The following TCF4 variants were observed in gnomAD, a reference collection of about 807,000 sequenced individuals.
The protein encoded by TCF4 is transcription factor 4.
TCF4 carries 3 observed loss-of-function variants against 82.1 expected under a neutral mutation model. That is an observed-to-expected ratio of 0.04 (90% confidence interval 0.02 to 0.09). The LOEUF (loss-of-function observed/expected upper bound fraction) is 0.09, where lower values mean the gene tolerates loss of function less well. TCF4 is among the 10% of genes least tolerant of loss of function. TCF4 has a pLI of 1.00. For synonymous variants in TCF4, 276 were observed against 309.6 expected, an observed-to-expected ratio of 0.89 and a Z score of 1.14; for missense variants, 518 against 852.7, an observed-to-expected ratio of 0.61 and a Z score of 4.89.
intron 8 of TCF4, among the ~76,000 whole-genome samples, chr18:55,289,010 T>G (rs1463696180): frequency 1.3e-5 from 2 of 152,248 alleles, no homozygotes; most frequent in African/African-American, 4.8e-5. Flanking sequence ...TCTCTTGCTC[T>G]TGGCAATAAC....
rs148420335 is a variant in TCF4 at position 55,234,836 on chromosome 18, C to G, written c.1351-153G>C. Among the ~76,000 whole-genome samples the G allele has an allele frequency of 3.3e-3, 505 of 152,268 alleles. 1 individual carries two copies. The highest frequency in any genetic ancestry group is 0.012 in the African/African-American group (485 of 41,554). Reference sequence around the variant, plus strand: ...GGGCGCTGAAGGACCGCACATGCACCTATAGTTCCCGGCGAAAACACTTAA... The same window carrying G: ...GGGCGCTGAAGGACCGCACATGCACGTATAGTTCCCGGCGAAAACACTTAA... On this transcript the variant is annotated intron_variant, in intron 15 of 19. Coordinates refer to ENST00000354452, the MANE Select transcript of TCF4 (RefSeq NM_001083962.2).
chr18:55,372,728 T>C (rs1007008221), intron 6 of TCF4, among the ~76,000 whole-genome samples: 11 of 152,148 alleles, frequency 7.2e-5, no homozygotes, highest in African/African-American at 2.7e-4. Context: ...AGACTCTATG[T>C]GACTGTTGAT....
chr18:55,295,664 G>A (rs2066315234), intron 8 of TCF4, among the ~76,000 whole-genome samples: 1 of 152,070 alleles, frequency 6.6e-6, no homozygotes, highest in Non-Finnish European at 1.5e-5. Flanking sequence ...CTCCTTAATA[G>A]GGCTCACAAG....
At chr18:55,324,294 C>A (rs911072764) in intron 8 of TCF4, among the ~76,000 whole-genome samples, 1 of 152,160 alleles carries the variant, frequency 6.6e-6, no homozygotes, top group Non-Finnish European at 1.5e-5. Flanking sequence ...AGACACTGAA[C>A]GTATTATCAT....
intron 3 of TCF4, among the ~76,000 whole-genome samples, chr18:55,492,423 T>C (rs1471340875): frequency 6.6e-6 from 1 of 152,218 alleles, no homozygotes; most frequent in Admixed American, 6.5e-5. Context: ...ACAAAGTCTA[T>C]TTAAAATAGC....
At chr18:55,295,147 C>A (rs1445884714) in intron 8 of TCF4, among the ~76,000 whole-genome samples, 2 of 152,208 alleles carry the variant, frequency 1.3e-5, no homozygotes, top group African/African-American at 4.8e-5. Flanking sequence ...CCCCCTAATT[C>A]TTTCTGTTCT....
chr18:55,403,358 G>A lies in TCF4; in HGVS notation c.369+96C>T. On this transcript the variant is annotated intron_variant, in intron 6 of 19. Coordinates refer to ENST00000354452, the MANE Select transcript of TCF4 (RefSeq NM_001083962.2). ...TCATCTGACTTGCCGGTGCATCTTT[G>A]GTGTCACAGTTTAAAATGCATCATC... The A allele has an allele frequency of 2.2e-6, 3 of 1,372,674 alleles. No homozygotes were observed. In the Admixed American group the frequency reaches 5.0e-5, roughly 23 times the overall value. 85.0% of individuals were successfully genotyped at this position (1,372,674 alleles called of 1,614,324 possible).
intron 15 of TCF4, among the ~76,000 whole-genome samples, chr18:55,249,658 C>A (rs1157554395): frequency 6.6e-6 from 1 of 152,176 alleles, no homozygotes; most frequent in African/African-American, 2.4e-5. Flanking sequence ...AGCACAGAAC[C>A]TACACTTGGT....
chr18:55,631,203 C>T (rs1603625747), intron 2 of TCF4: 1 of 540,394 alleles, frequency 1.9e-6, no homozygotes. Context: ...GCACATGCCA[C>T]CATACCCAGC....
At chr18:55,629,010 A>T (rs2097729168) in intron 2 of TCF4, among the ~76,000 whole-genome samples, 1 of 152,248 alleles carries the variant, frequency 6.6e-6, no homozygotes, top group Non-Finnish European at 1.5e-5. Context: ...AATAAGTAGT[A>T]AATAATTTCA....
chr18:55,308,650 T>A (rs2071202290), intron 8 of TCF4, among the ~76,000 whole-genome samples: 1 of 152,230 alleles, frequency 6.6e-6, no homozygotes, highest in Admixed American at 6.5e-5. Context: ...GGCTGGAAAT[T>A]CAAGGTCCCC....
At chr18:55,635,179 CAA>C (rs1471241250) in intron 1 of TCF4, among the ~76,000 whole-genome samples, 6 of 152,140 alleles carry the variant, frequency 3.9e-5, no homozygotes, top group East Asian at 1.9e-4. Context: ...AAAGATTAGA[CAA>C]GAGTCAACGC....
intron 8 of TCF4, among the ~76,000 whole-genome samples, chr18:55,346,568 T>C (rs1028144811): frequency 6.6e-6 from 1 of 152,180 alleles, no homozygotes; most frequent in Non-Finnish European, 1.5e-5. Context: ...TAAAATATCC[T>C]ATTTCCAGAA....
chr18:55,510,590 T>C, intron 3 of TCF4: 1 of 1,509,766 alleles, frequency 6.6e-7, no homozygotes, highest in Non-Finnish European at 8.9e-7. Flanking sequence ...TCTGCTGTCC[T>C]CTTCCATATG....
chr18:55,483,089 C>T (rs1483462598), intron 3 of TCF4: 2 of 152,162 alleles, frequency 1.3e-5, no homozygotes, highest in Non-Finnish European at 2.9e-5. Context: ...ACCCTCAGTA[C>T]CCAGCACGGG....
chr18:55,342,964 T>C (rs1487815406), intron 8 of TCF4, among the ~76,000 whole-genome samples: 2 of 152,120 alleles, frequency 1.3e-5, no homozygotes, highest in Non-Finnish European at 2.9e-5. Flanking sequence ...ATTATAAGCG[T>C]AATTCAGGAG....
chr18:55,444,988 C>T (rs1462672288), intron 5 of TCF4, among the ~76,000 whole-genome samples: 2 of 152,162 alleles, frequency 1.3e-5, no homozygotes, highest in East Asian at 3.8e-4. Flanking sequence ...TCAAATCCAT[C>T]CTCCTCTTCA....
intron 1 of TCF4, among the ~76,000 whole-genome samples, chr18:55,632,675 A>C (rs2097732728): frequency 6.6e-6 from 1 of 152,232 alleles, no homozygotes; most frequent in Admixed American, 6.5e-5. Context: ...GCATCTCTAT[A>C]GTACTGCTGG....
intron 6 of TCF4, among the ~76,000 whole-genome samples, chr18:55,391,681 C>T (rs1569331197): frequency 6.6e-6 from 1 of 151,790 alleles, no homozygotes; most frequent in Non-Finnish European, 1.5e-5. Flanking sequence ...GCCTGTAATC[C>T]CAGCACTTTG....
Sources: gnomAD v4.1 joint callset for allele counts (sites outside exome capture counted in the v4.1 genomes callset) on GRCh38, gnomAD v4.1.1 for gene constraint, MANE v1.5 for transcripts, NCBI Gene and HGNC (gene_info 2026-07-23, HGNC 2026-07-21) for gene names.